CEP83: variants seen among roughly 807,000 people sequenced by gnomAD.
CEP83 encodes the protein centrosomal protein 83, also known as centrosomal protein of 83 kDa.
Under a neutral mutation model 101.9 loss-of-function variants are expected in CEP83, and 70 were observed. The ratio of observed to expected loss-of-function variants is 0.69; its 90% CI spans 0.57 to 0.84. The LOEUF is 0.84. CEP83 is among the 40% of genes least tolerant of loss of function. The probability of loss-of-function intolerance (pLI) is 0.00; values close to 1 mark genes in which losing one functional copy is unlikely to be tolerated. For synonymous variants in CEP83, 264 were observed against 267.9 expected, an observed-to-expected ratio of 0.99 and a Z score of 0.14; for missense variants, 715 against 787.2, an observed-to-expected ratio of 0.91 and a Z score of 1.10.
At chr12:94,324,180 C>A (rs558965371) in intron 14 of CEP83, among the ~76,000 whole-genome samples, 18 of 152,254 alleles carry the variant, frequency 1.2e-4, no homozygotes, top group African/African-American at 3.8e-4. Flanking sequence ...CCTTTTCTAT[C>A]ATCTGGAAGA....
intron 6 of CEP83, among the ~76,000 whole-genome samples, chr12:94,399,982 T>C (rs1262316859): frequency 1.3e-5 from 2 of 152,182 alleles, no homozygotes; most frequent in Non-Finnish European, 1.5e-5. Context: ...ATCAGTCCGA[T>C]CCAAATAGAA....
chr12:94,412,637 C>T (rs1047475017), intron 2 of CEP83, 46 bp from the exon 3 acceptor site: 33 of 553,390 alleles, frequency 6.0e-5, no homozygotes, highest in African/African-American at 3.6e-4. Context: ...GATCAGTAAA[C>T]GTAAGCCTCC....
At chr12:94,279,329 T>C in the CEP83 span, 4 of 629,268 alleles carry the variant, frequency 6.4e-6, no homozygotes, top group Non-Finnish European at 8.3e-6. Flanking sequence ...GGAGAAAAGA[T>C]GAAAGTAGTC....
chr12:94,282,397 A>G, the CEP83 span: 1 of 1,601,836 alleles, frequency 6.2e-7, no homozygotes, highest in Non-Finnish European at 8.6e-7. Context: ...ATTGGCCACT[A>G]TGAGGTAAGA....
intron 14 of CEP83, among the ~76,000 whole-genome samples, chr12:94,327,476 T>C (rs2059020065): frequency 6.6e-6 from 1 of 152,224 alleles, no homozygotes; most frequent in Non-Finnish European, 1.5e-5. Context: ...CTAATTTGAA[T>C]TATTCATCTC....
intron 2 of CEP83, among the ~76,000 whole-genome samples, chr12:94,420,522 C>T (rs1395350179): frequency 3.3e-5 from 5 of 152,126 alleles, no homozygotes; most frequent in African/African-American, 1.2e-4. Flanking sequence ...TTGAACGCAG[C>T]CCAATACAAA....
the CEP83 span, chr12:94,297,207 A>G: frequency 5.6e-6 from 9 of 1,614,038 alleles, no homozygotes; most frequent in Non-Finnish European, 7.6e-6. Flanking sequence ...TACTCGGATG[A>G]CCACTGCCAT....
intron 14 of CEP83, among the ~76,000 whole-genome samples, chr12:94,321,940 C>T (rs559391649): frequency 6.6e-6 from 1 of 152,200 alleles, no homozygotes; most frequent in South Asian, 2.1e-4. Context: ...TGGGGGTCCG[C>T]TCCAATCCCT....
At chr12:94,321,850 G>A (rs535039846) in intron 14 of CEP83, among the ~76,000 whole-genome samples, 78 of 152,014 alleles carry the variant, frequency 5.1e-4, no homozygotes, top group Non-Finnish European at 8.8e-4. Context: ...AGGTTGGGAG[G>A]ACGTGCTCAG....
intron 13 of CEP83, among the ~76,000 whole-genome samples, chr12:94,333,276 A>AT (rs921531245): frequency 6.6e-6 from 1 of 152,156 alleles, no homozygotes. Context: ...TAATGTCTTA[A>AT]TTTTTTTAAA....
chr12:94,343,470 CTTTTTTTTTTTTTT>C (rs1161481202), intron 11 of CEP83, among the ~76,000 whole-genome samples: 14 of 84,160 alleles, frequency 1.7e-4, no homozygotes, highest in Admixed American at 4.2e-4. Context: ...TAGAAATTAA[CTTTTTTTTTTTTTT>C]TTTTTTTTTT....
At chr12:94,332,948 A>G (rs1307777700) in intron 13 of CEP83, among the ~76,000 whole-genome samples, 1 of 151,136 alleles carries the variant, frequency 6.6e-6, no homozygotes, top group Non-Finnish European at 1.5e-5. Context: ...CATCTAAACA[A>G]ATTTTTCCAG....
intron 2 of CEP83, chr12:94,424,776 G>T: frequency 6.2e-7 from 1 of 1,611,208 alleles, no homozygotes; most frequent in Admixed American, 1.7e-5. Flanking sequence ...GTAGTGCCTG[G>T]TTGCAATCCT....
At chr12:94,301,995 A>G (rs1243628031), downstream of CEP83, among the ~76,000 whole-genome samples, 7 of 151,962 alleles carry the variant, frequency 4.6e-5, no homozygotes, top group Admixed American at 4.6e-4. Flanking sequence ...TCCCGTCCCT[A>G]CTGGGATAAC....
At chr12:94,384,962 T>A (rs1422484000) in intron 6 of CEP83, among the ~76,000 whole-genome samples, 1 of 152,224 alleles carries the variant, frequency 6.6e-6, no homozygotes, top group African/African-American at 2.4e-5. Context: ...CAATTTTCAA[T>A]GGAAACTTGG....
intron 14 of CEP83, among the ~76,000 whole-genome samples, chr12:94,324,519 C>T (rs770374780): frequency 6.6e-6 from 1 of 152,074 alleles, no homozygotes; most frequent in Non-Finnish European, 1.5e-5. Context: ...TGGCTCTAAT[C>T]TCATCTCATC....
In CEP83 at chr12:94,376,688, TATAC is replaced by T. The variant is rs199942562; in HGVS notation, c.802-675_802-672del. 6.5e-3 allele frequency among the ~76,000 whole-genome samples: 572 copies of T among 87,510 alleles called. 4 individuals are homozygous for T. Among genetic ancestry groups the T allele is most frequent in the African/African-American group, 0.022 (450 of 20,188 alleles). 57.4% of individuals were successfully genotyped at this position (87,510 alleles called of 152,430 possible). A position where few individuals can be genotyped will look rare whatever the true frequency, so the allele number is the denominator to read the frequency against. On this transcript the variant is annotated intron_variant, in intron 7 of 16. Transcript: ENST00000397809. Reference sequence around the variant, plus strand: ...CTATTCAACATAATATATATACATATATACACACACACACACACACACACACACA... The same window carrying T: ...CTATTCAACATAATATATATACATATACACACACACACACACACACACACA...
chr12:94,424,000 T>C, intron 2 of CEP83: 14 of 1,613,288 alleles, frequency 8.7e-6, no homozygotes, highest in Non-Finnish European at 1.1e-5. Flanking sequence ...GGTCCATCCC[T>C]GGTGTCAGAA....
At chr12:94,272,789 C>A in the CEP83 span, among the ~76,000 whole-genome samples, 4 of 152,210 alleles carry the variant, frequency 2.6e-5, no homozygotes, top group African/African-American at 9.6e-5. Flanking sequence ...TAAAAATGTC[C>A]TTGGGTGGCA....
Sources: allele counts gnomAD v4.1 joint callset (sites outside exome capture counted in the v4.1 genomes callset), GRCh38; gene constraint gnomAD v4.1.1; transcripts MANE v1.5; gene names NCBI Gene and HGNC (gene_info 2026-07-23, HGNC 2026-07-21).